Variants in MARCHF1 observed in about 807,000 individuals in gnomAD.
MARCHF1 encodes the protein membrane associated ring-CH-type finger 1, also known as E3 ubiquitin-protein ligase MARCHF1.
Under a neutral mutation model 54.2 loss-of-function variants are expected in MARCHF1, and 40 were observed. The observed-to-expected ratio is 0.74, with a 90% CI of 0.57 to 0.96. The LOEUF (loss-of-function observed/expected upper bound fraction) is 0.96. Ranked by LOEUF, MARCHF1 falls within the 40% of genes least tolerant of loss-of-function variation. MARCHF1 has a pLI of 0.00. For synonymous variants in MARCHF1, 236 were observed against 236.3 expected, an observed-to-expected ratio of 1.00 and a Z score of 0.01; for missense variants, 586 against 656.5, an observed-to-expected ratio of 0.89 and a Z score of 1.17.
intron 3 of MARCHF1, among the ~76,000 whole-genome samples, chr4:163,894,156 C>T (rs528752751): frequency 2.0e-5 from 3 of 152,252 alleles, no homozygotes; most frequent in African/African-American, 7.2e-5. Context: ...GTATTAGGGA[C>T]AGTGACCTAA....
chr4:164,308,661 A>T (rs994979352), intron 1 of MARCHF1, among the ~76,000 whole-genome samples: 2 of 152,202 alleles, frequency 1.3e-5, no homozygotes, highest in African/African-American at 4.8e-5. Context: ...AGAACTTGAA[A>T]ACCTCTTAAA....
At chr4:164,034,871 A>G (rs1244012129) in intron 2 of MARCHF1, among the ~76,000 whole-genome samples, 1 of 152,182 alleles carries the variant, frequency 6.6e-6, no homozygotes, top group Non-Finnish European at 1.5e-5. Context: ...AAAATCAGAC[A>G]AAAGTTTTAT....
intron 5 of MARCHF1, among the ~76,000 whole-genome samples, chr4:163,624,400 C>T (rs1307368449): frequency 1.3e-5 from 2 of 152,166 alleles, no homozygotes; most frequent in African/African-American, 4.8e-5. Context: ...TCAGTCAAGC[C>T]CTGTTGCCAC....
At chr4:163,753,513 G>A (rs531881267) in intron 4 of MARCHF1, among the ~76,000 whole-genome samples, 40 of 152,092 alleles carry the variant, frequency 2.6e-4, no homozygotes, top group Non-Finnish European at 4.4e-4. Flanking sequence ...AGAAGATATT[G>A]TCATAAATAG....
intron 3 of MARCHF1, among the ~76,000 whole-genome samples, chr4:163,930,338 A>T (rs1751643026): frequency 6.6e-6 from 1 of 151,936 alleles, no homozygotes; most frequent in Non-Finnish European, 1.5e-5. Flanking sequence ...CCAACAGATC[A>T]TTGCTGATAC....
intron 1 of MARCHF1, among the ~76,000 whole-genome samples, chr4:164,167,517 T>G (rs550902640): frequency 6.6e-6 from 1 of 151,890 alleles, no homozygotes; most frequent in Admixed American, 6.6e-5. Flanking sequence ...ATCAACTTCC[T>G]GATTCCAAAT....
At chr4:163,898,757 T>C (rs2111299257) in intron 3 of MARCHF1, among the ~76,000 whole-genome samples, 1 of 152,272 alleles carries the variant, frequency 6.6e-6, no homozygotes, top group African/African-American at 2.4e-5. Context: ...GCAGCACTAC[T>C]GACAATACCA....
intron 2 of MARCHF1, among the ~76,000 whole-genome samples, chr4:164,034,124 T>G (rs371192534): frequency 6.8e-6 from 1 of 146,884 alleles, no homozygotes; most frequent in Non-Finnish European, 1.5e-5. Context: ...GATAGAGATA[T>G]ATACATACCA....
At chr4:163,892,972 G>A (rs1213199329) in intron 3 of MARCHF1, among the ~76,000 whole-genome samples, 2 of 152,176 alleles carry the variant, frequency 1.3e-5, no homozygotes, top group East Asian at 3.9e-4. Context: ...TGTCTGCATA[G>A]TGGATAGCAT....
At chr4:163,538,594 T>G (rs1462822816) in intron 9 of MARCHF1, among the ~76,000 whole-genome samples, 1 of 152,214 alleles carries the variant, frequency 6.6e-6, no homozygotes, top group Non-Finnish European at 1.5e-5. Context: ...CTAAGAGGAT[T>G]TCTCTTATTA....
At chr4:163,862,459 T>G (rs764655909) in intron 3 of MARCHF1, among the ~76,000 whole-genome samples, 8 of 152,018 alleles carry the variant, frequency 5.3e-5, no homozygotes, top group Non-Finnish European at 1.0e-4. Flanking sequence ...GAAAAGATGC[T>G]CAACATTATA....
chr4:164,357,292 A>G (rs1310006105), intron 1 of MARCHF1, among the ~76,000 whole-genome samples: 2 of 152,032 alleles, frequency 1.3e-5, no homozygotes, highest in African/African-American at 4.8e-5. Context: ...TTCAGCTTCT[A>G]GCGGCCACTT....
At position 163,526,933 on chromosome 4, in the gene MARCHF1, A is replaced by ATCTT. The variant is rs1482160618; in HGVS notation, c.*1811_*1814dup. ...GTCAGCCACTACTAATATTTATACC[A>ATCTT]TCTTTCTCCTCATTTAAAGGTTTGT... On this transcript the variant is annotated 3_prime_UTR_variant, in exon 10 of 10. Coordinates refer to ENST00000514618, the MANE Select transcript of MARCHF1 (RefSeq NM_001394959.1). 1.3e-5 allele frequency: 2 copies of ATCTT among 151,254 alleles called. No homozygotes were observed. The highest frequency in any genetic ancestry group is 4.8e-5 in the African/African-American group (2 of 41,250). The allele number at this position is 151,254 out of a possible 1,614,324, so 9.4% of individuals were successfully genotyped here. A position where few individuals can be genotyped will look rare whatever the true frequency, so the allele number is the denominator to read the frequency against.
At chr4:163,838,392 T>G (rs1161984465) in intron 4 of MARCHF1, among the ~76,000 whole-genome samples, 1 of 152,066 alleles carries the variant, frequency 6.6e-6, no homozygotes, top group African/African-American at 2.4e-5. Context: ...TCTGTACATG[T>G]TCAGTATAGA....
intron 1 of MARCHF1, among the ~76,000 whole-genome samples, chr4:164,213,060 C>T (rs1731821548): frequency 1.3e-5 from 2 of 151,838 alleles, no homozygotes; most frequent in African/African-American, 2.4e-5. Flanking sequence ...ATATATATTA[C>T]TGCATATATA....
At chr4:164,174,526 G>A (rs1050026184) in intron 1 of MARCHF1, among the ~76,000 whole-genome samples, 8 of 152,146 alleles carry the variant, frequency 5.3e-5, no homozygotes, top group Non-Finnish European at 1.2e-4. Flanking sequence ...GGAGTGGTAC[G>A]AGATTAGGAA....
intron 1 of MARCHF1, among the ~76,000 whole-genome samples, chr4:164,288,278 G>T (rs1268649025): frequency 6.6e-6 from 1 of 152,020 alleles, no homozygotes; most frequent in African/African-American, 2.4e-5. Flanking sequence ...AAACTTTAAA[G>T]TACATTAAAA....
intron 4 of MARCHF1, among the ~76,000 whole-genome samples, chr4:163,831,457 G>A (rs1167356131): frequency 6.6e-6 from 1 of 151,944 alleles, no homozygotes; most frequent in Non-Finnish European, 1.5e-5. Flanking sequence ...TGTGCACGAT[G>A]GTATGTGCCT....
At chr4:164,344,458 T>TTG (rs144379635) in intron 1 of MARCHF1, among the ~76,000 whole-genome samples, 7,943 of 148,014 alleles carry the variant, frequency 0.054, 353 homozygotes, top group Admixed American at 0.16. Flanking sequence ...ATGCACGTGT[T>TTG]TGTGTGTGTG....
Sources: gnomAD v4.1 joint callset for allele counts (sites outside exome capture counted in the v4.1 genomes callset) on GRCh38, gnomAD v4.1.1 for gene constraint, MANE v1.5 for transcripts, NCBI Gene and HGNC (gene_info 2026-07-23, HGNC 2026-07-21) for gene names.